The following THSD7B variants were observed in gnomAD, a reference collection of about 807,000 sequenced individuals.
THSD7B encodes the protein thrombospondin type-1 domain-containing protein 7B.
A neutral mutation model predicts 213.6 loss-of-function variants in THSD7B; 138 were observed. The observed-to-expected ratio is 0.65, with a 90% CI of 0.56 to 0.74. The LOEUF is 0.74. Ranked by LOEUF, THSD7B falls within the 30% of genes least tolerant of loss-of-function variation. The pLI, the probability that THSD7B is intolerant of heterozygous loss-of-function variation, is 0.00. For missense variants in THSD7B, 1,931 were observed against 1,991.5 expected (o/e 0.97, Z 0.58); for synonymous variants, 742 against 687.0 (o/e 1.08, Z -1.25).
intron 2 of THSD7B, among the ~76,000 whole-genome samples, chr2:137,012,202 A>C (rs946530354): frequency 2.0e-5 from 3 of 152,206 alleles, no homozygotes; most frequent in Non-Finnish European, 2.9e-5. Context: ...TTCAGTACTG[A>C]TGGAACTGAG....
intron 1 of THSD7B, among the ~76,000 whole-genome samples, chr2:136,838,470 T>A (rs1051310281): frequency 1.2e-4 from 19 of 152,372 alleles, no homozygotes; most frequent in African/African-American, 4.6e-4. Context: ...GATTTCATCT[T>A]AATTGCAAGC....
intron 2 of THSD7B, among the ~76,000 whole-genome samples, chr2:136,977,803 T>C (rs1272865711): frequency 8.3e-5 from 1 of 12,042 alleles, no homozygotes; most frequent in Non-Finnish European, 2.3e-4. Context: ...TTTTCTTTGT[T>C]TTTTTTTTTT....
rs79336707 is a variant in THSD7B at position 136,860,360 on chromosome 2, C to A, written c.-35-21784C>A. ...GCTAATGTCTCCCAAATTTATGTCA[C>A]CAGCCCAAGGCTGTCCTCTAAACTC... On this transcript the variant is annotated intron_variant, in intron 1 of 27. Transcript: ENST00000409968. Among the ~76,000 whole-genome samples, 744 of 152,218 alleles carry A rather than the reference C, an allele frequency of 4.9e-3. 14 individuals carry two copies. In the South Asian group the frequency reaches 0.07, roughly 14 times the overall value.
At chr2:136,909,317 A>T (rs1161554212) in intron 2 of THSD7B, among the ~76,000 whole-genome samples, 2 of 152,194 alleles carry the variant, frequency 1.3e-5, no homozygotes, top group East Asian at 3.9e-4. Flanking sequence ...GATTTTGGAA[A>T]AATGAGGGGT....
intron 2 of THSD7B, among the ~76,000 whole-genome samples, chr2:137,026,715 A>G (rs936522076): frequency 1.3e-5 from 2 of 152,140 alleles, no homozygotes; most frequent in Non-Finnish European, 1.5e-5. Context: ...CTGAAACAAT[A>G]TATTTGCAAC....
chr2:137,246,008 G>T (rs1682023718), intron 10 of THSD7B, among the ~76,000 whole-genome samples: 1 of 152,132 alleles, frequency 6.6e-6, no homozygotes, highest in African/African-American at 2.4e-5. Flanking sequence ...ATGCGGGGTT[G>T]GGTTCATTAG....
chr2:137,483,773 C>T (rs970599943), intron 15 of THSD7B, among the ~76,000 whole-genome samples: 10 of 152,030 alleles, frequency 6.6e-5, no homozygotes, highest in African/African-American at 1.9e-4. Context: ...CAGAAGCCCC[C>T]GCTGGTGGCA....
intron 3 of THSD7B, among the ~76,000 whole-genome samples, chr2:137,091,520 T>TATTC (rs141548086): frequency 0.067 from 10,208 of 151,770 alleles, 512 homozygotes; most frequent in Non-Finnish European, 0.11. Flanking sequence ...TATTTTATTT[T>TATTC]ATTCATTCAT....
chr2:136,914,699 T>C (rs537126703), intron 2 of THSD7B, among the ~76,000 whole-genome samples: 7 of 152,262 alleles, frequency 4.6e-5, no homozygotes, highest in Non-Finnish European at 5.9e-5. Flanking sequence ...AAAAGTGCCT[T>C]TCACCCCCCA....
chr2:136,954,714 CAAA>C (rs11378111), intron 2 of THSD7B, among the ~76,000 whole-genome samples: 3 of 89,400 alleles, frequency 3.4e-5, no homozygotes, highest in African/African-American at 1.1e-4. Flanking sequence ...GACTCTGTCT[CAAA>C]AAAAAAAAAA....
intron 1 of THSD7B, among the ~76,000 whole-genome samples, chr2:136,831,694 GA>G (rs1682758509): frequency 6.6e-6 from 1 of 152,236 alleles, no homozygotes; most frequent in Non-Finnish European, 1.5e-5. Flanking sequence ...TCCCAAAAGA[GA>G]AATGCCCAGT....
chr2:137,426,902 A>G (rs1005944084), intron 14 of THSD7B, among the ~76,000 whole-genome samples: 1 of 152,138 alleles, frequency 6.6e-6, no homozygotes, highest in Admixed American at 6.5e-5. Context: ...ATATTCAATA[A>G]GGGGTTAATA....
intron 2 of THSD7B, among the ~76,000 whole-genome samples, chr2:137,027,903 G>A (rs1253855457): frequency 6.6e-6 from 1 of 152,074 alleles, no homozygotes; most frequent in Non-Finnish European, 1.5e-5. Context: ...TCATCAGAGA[G>A]GAAAGTCATA....
rs114594459 is a variant in THSD7B at position 137,165,395 on chromosome 2, G to T, written c.1525+5027G>T. ...ATGAAGAATAGAGTTTTCCCTCTAG[G>T]GAAATGATTCTGTTCCTTCAAGGTA... On this transcript the variant is annotated intron_variant, in intron 6 of 27. Transcript: ENST00000409968. Among the ~76,000 whole-genome samples, 657 of 152,290 alleles carry T rather than the reference G, an allele frequency of 4.3e-3. 4 individuals are homozygous for T. The highest frequency in any genetic ancestry group is 0.015 in the African/African-American group (619 of 41,564).
intron 14 of THSD7B, among the ~76,000 whole-genome samples, chr2:137,447,603 ATGTTAGAGGATTAG>A (rs1687567514): frequency 6.6e-6 from 1 of 152,110 alleles, no homozygotes; most frequent in African/African-American, 2.4e-5. Context: ...AATTAAAATT[ATGTTAGAGGATTAG>A]TCTTTTACGA....
At chr2:137,389,402 A>ATTTTTTTTTT (rs70978214) in intron 12 of THSD7B, among the ~76,000 whole-genome samples, 12 of 38,052 alleles carry the variant, frequency 3.2e-4, no homozygotes, top group East Asian at 1.1e-3. Context: ...TCTTAATGTG[A>ATTTTTTTTTT]TTTTTTTTTT....
At chr2:137,030,096 T>C (rs554464374) in intron 2 of THSD7B, among the ~76,000 whole-genome samples, 3 of 152,040 alleles carry the variant, frequency 2.0e-5, no homozygotes, top group Admixed American at 6.5e-5. Flanking sequence ...GGGTTTTGCA[T>C]GTGTGGGTGC....
At chr2:137,174,849 T>A (rs1290550965) in intron 7 of THSD7B, among the ~76,000 whole-genome samples, 1 of 152,324 alleles carries the variant, frequency 6.6e-6, no homozygotes, top group South Asian at 2.1e-4. Flanking sequence ...TCTTGTCTCA[T>A]TGACAAGTAT....
chr2:137,170,950 T>C lies in THSD7B; in HGVS notation c.1723+12T>C, dbSNP rs750498188. 3.7e-6 allele frequency: 6 copies of C among 1,611,486 alleles called. No individual in the cohort carries two copies. Among genetic ancestry groups the C allele is most frequent in the South Asian group, 2.2e-5 (2 of 90,912 alleles). ...CCAGAATGACCGCGGTATGACCCAG[T>C]GACCCACTAGAGGTGTTAGGATGTT... is the stretch of plus-strand genomic sequence containing the variant. On this transcript the variant is annotated intron_variant, in intron 7 of 27. Transcript: ENST00000409968.
Sources: allele counts gnomAD v4.1 joint callset (sites outside exome capture counted in the v4.1 genomes callset), GRCh38; gene constraint gnomAD v4.1.1; transcripts MANE v1.5; gene names NCBI Gene and HGNC (gene_info 2026-07-23, HGNC 2026-07-21).